Variants in PRKD1 observed in about 807,000 individuals in gnomAD.
The protein encoded by PRKD1 is serine/threonine-protein kinase D1.
Under a neutral mutation model 95.9 loss-of-function variants are expected in PRKD1, and 63 were observed. That is an observed-to-expected ratio of 0.66 (90% CI 0.54 to 0.81). PRKD1 has a LOEUF of 0.81. PRKD1 is among the 30% of genes least tolerant of loss of function. The pLI, the probability that PRKD1 is intolerant of heterozygous loss-of-function variation, is 0.00. For synonymous variants in PRKD1, 425 were observed against 423.1 expected (o/e 1.00, Z -0.05); for missense variants, 1,048 against 1,165.3 (o/e 0.90, Z 1.47).
intron 1 of PRKD1, among the ~76,000 whole-genome samples, chr14:29,875,629 C>T (rs1264158835): frequency 6.6e-6 from 1 of 152,134 alleles, no homozygotes; most frequent in African/African-American, 2.4e-5. Context: ...TTTATCTATT[C>T]ACTAAAGGCA....
chr14:29,608,556 T>G (rs1878186993), intron 13 of PRKD1, among the ~76,000 whole-genome samples: 1 of 152,214 alleles, frequency 6.6e-6, no homozygotes, highest in Non-Finnish European at 1.5e-5. Flanking sequence ...CTTACTTTTC[T>G]CCCCTTTTTC....
intron 1 of PRKD1, among the ~76,000 whole-genome samples, chr14:29,826,738 T>C (rs1254197623): frequency 3.0e-5 from 2 of 66,344 alleles, no homozygotes; most frequent in Non-Finnish European, 5.6e-5. Flanking sequence ...TATACACATA[T>C]ATATACACAT....
At chr14:29,593,358 C>A (rs558272147) in intron 16 of PRKD1, among the ~76,000 whole-genome samples, 18 of 152,304 alleles carry the variant, frequency 1.2e-4, no homozygotes, top group African/African-American at 3.6e-4. Flanking sequence ...TAAAGGACAT[C>A]TGTTAATGCT....
chr14:29,919,205 C>A lies in PRKD1; in HGVS notation c.264+8044G>T, dbSNP rs527745768. Among the ~76,000 whole-genome samples the A allele has an allele frequency of 6.6e-4, 101 of 152,272 alleles. No homozygotes were observed. The Middle Eastern group carries it at 0.01, about 15-fold the overall frequency. ...ATTGCATATTTTAAAATCTAAGTTT[C>A]ATGTTTGCCAACATTGCTAAGCTAC... is the stretch of plus-strand genomic sequence containing the variant. On this transcript the variant is annotated intron_variant, in intron 1 of 17. Coordinates refer to ENST00000331968, the MANE Select transcript of PRKD1 (RefSeq NM_002742.3).
intron 1 of PRKD1, among the ~76,000 whole-genome samples, chr14:29,742,468 T>C (rs1887022234): frequency 6.6e-6 from 1 of 152,226 alleles, no homozygotes; most frequent in Non-Finnish European, 1.5e-5. Flanking sequence ...TAGTAGGTCA[T>C]AGAGAAATGT....
At chr14:29,918,697 G>A (rs1276936646) in intron 1 of PRKD1, among the ~76,000 whole-genome samples, 2 of 152,146 alleles carry the variant, frequency 1.3e-5, no homozygotes, top group East Asian at 3.9e-4. Flanking sequence ...GCAAAAGCCT[G>A]TATAACATGC....
chr14:29,763,743 G>C (rs959814482), intron 1 of PRKD1, among the ~76,000 whole-genome samples: 2 of 152,110 alleles, frequency 1.3e-5, no homozygotes, highest in African/African-American at 4.8e-5. Flanking sequence ...GGGGAACTGA[G>C]CACTTAAAGA....
chr14:29,717,510 TA>T (rs1407554529), intron 2 of PRKD1, among the ~76,000 whole-genome samples: 16 of 152,270 alleles, frequency 1.1e-4, no homozygotes, highest in African/African-American at 3.8e-4. Context: ...GAAAATCAAC[TA>T]CTTATGAAAT....
intron 1 of PRKD1, among the ~76,000 whole-genome samples, chr14:29,755,013 G>A (rs1168662869): frequency 6.6e-6 from 1 of 152,008 alleles, no homozygotes; most frequent in Non-Finnish European, 1.5e-5. Context: ...ATTCAATTAT[G>A]TTAATTCCTA....
At chr14:29,826,766 TATAC>T (rs1398717608) in intron 1 of PRKD1, among the ~76,000 whole-genome samples, 721 of 45,302 alleles carry the variant, frequency 0.016, 125 homozygotes, top group Admixed American at 0.029. Flanking sequence ...TACATATATA[TATAC>T]ACATATATAT....
At chr14:29,668,344 A>G (rs928132311) in intron 2 of PRKD1, among the ~76,000 whole-genome samples, 1 of 152,216 alleles carries the variant, frequency 6.6e-6, no homozygotes, top group African/African-American at 2.4e-5. Context: ...AGAGATTCCA[A>G]GAGAGGAACA....
intron 4 of PRKD1, among the ~76,000 whole-genome samples, chr14:29,647,025 T>A (rs2139163704): frequency 6.6e-6 from 1 of 152,114 alleles, no homozygotes; most frequent in African/African-American, 2.4e-5. Context: ...ATATATAGCA[T>A]AAATAAAATC....
At chr14:29,744,311 G>T (rs1218064688) in intron 1 of PRKD1, among the ~76,000 whole-genome samples, 1 of 152,076 alleles carries the variant, frequency 6.6e-6, no homozygotes, top group African/African-American at 2.4e-5. Flanking sequence ...AGAAACCCTG[G>T]ATTTATCTTT....
chr14:29,698,623 G>A lies in PRKD1; in HGVS notation c.403+26913C>T, dbSNP rs555643366. Among the ~76,000 whole-genome samples the A allele has an allele frequency of 7.2e-5, 11 of 151,772 alleles. No homozygotes were observed. In the South Asian group the frequency reaches 1.2e-3, roughly 17 times the overall value. ...GCTGGCCTTCCTTCCTCTATAGAAC[G>A]TCATCCTACACCTTCATCTGCTTGC... On this transcript the variant is annotated intron_variant, in intron 2 of 17. Coordinates refer to ENST00000331968, the MANE Select transcript of PRKD1 (RefSeq NM_002742.3).
intron 16 of PRKD1, among the ~76,000 whole-genome samples, chr14:29,585,836 G>A (rs1892905232): frequency 6.6e-6 from 1 of 152,108 alleles, no homozygotes; most frequent in South Asian, 2.1e-4. Flanking sequence ...TTTAAATATT[G>A]ATACTCAAAC....
chr14:29,899,153 C>T (rs1489533407), intron 1 of PRKD1, among the ~76,000 whole-genome samples: 2 of 152,142 alleles, frequency 1.3e-5, no homozygotes, highest in Non-Finnish European at 2.9e-5. Flanking sequence ...ATAGAGTTTA[C>T]ATCAAATAAA....
At chr14:29,706,589 C>T (rs1301083099) in intron 2 of PRKD1, among the ~76,000 whole-genome samples, 2 of 152,114 alleles carry the variant, frequency 1.3e-5, no homozygotes, top group African/African-American at 2.4e-5. Context: ...TTTAGCAACA[C>T]TCATTGCCAG....
chr14:29,709,439 G>C (rs1416424046), intron 2 of PRKD1, among the ~76,000 whole-genome samples: 2 of 152,098 alleles, frequency 1.3e-5, no homozygotes, highest in Non-Finnish European at 2.9e-5. Flanking sequence ...GCACACAAAG[G>C]TTTTTCAGGA....
chr14:29,742,784 T>C (rs1186591878), intron 1 of PRKD1, among the ~76,000 whole-genome samples: 1 of 152,314 alleles, frequency 6.6e-6, no homozygotes, highest in South Asian at 2.1e-4. Context: ...TGAAATAACT[T>C]CAATTTTGTT....
Sources: gnomAD v4.1 joint callset for allele counts (sites outside exome capture counted in the v4.1 genomes callset) on GRCh38, gnomAD v4.1.1 for gene constraint, MANE v1.5 for transcripts, NCBI Gene and HGNC (gene_info 2026-07-23, HGNC 2026-07-21) for gene names.